The following SPAG17 variants were observed in gnomAD, a reference collection of about 807,000 sequenced individuals.
SPAG17 encodes the protein sperm associated antigen 17.
A neutral mutation model predicts 273.6 loss-of-function variants in SPAG17; 169 were observed. The observed-to-expected ratio is 0.62, with a 90% confidence interval of 0.55 to 0.70. The LOEUF (loss-of-function observed/expected upper bound fraction) is 0.70. SPAG17 is among the 30% of genes least tolerant of loss of function. The pLI is 0.00. For missense variants in SPAG17, 2,557 were observed against 2,627.8 expected, an observed-to-expected ratio of 0.97 and a Z score of 0.59; for synonymous variants, 825 against 873.2, an observed-to-expected ratio of 0.94 and a Z score of 0.97.
Position 117,987,844 on chromosome 1 carries a change from CTA to C in SPAG17, c.5657_5658del (p.Ile1886ArgfsTer8). 1 of 1,612,262 alleles carries C rather than the reference CTA, an allele frequency of 6.2e-7. No individual in the cohort carries two copies. The highest frequency in any genetic ancestry group is 8.5e-7 in the Non-Finnish European group (1 of 1,178,630). On this transcript the variant is annotated frameshift_variant, in exon 40 of 49. Coordinates refer to ENST00000336338, the MANE Select transcript of SPAG17 (RefSeq NM_206996.4). LOFTEE classifies it high-confidence loss of function. Reference protein sequence around the residue: ...TASSKRWKEKIDKTRKEIETT... With the variant: ...TASSKRWKEKXDKTRKEIETT... ...TTGGGGTATAATTACCTCGTTTTGT[CTA>C]TCTTTTCTTTCCAGCGTTTTGAGGA...
At chr1:117,974,091 G>A (rs141375966) in intron 43 of SPAG17, among the ~76,000 whole-genome samples, 64 of 152,178 alleles carry the variant, frequency 4.2e-4, no homozygotes, top group East Asian at 3.7e-3. Context: ...GGTTGATTCC[G>A]TGTCTTTGCT....
chr1:118,033,656 C>T (rs1648741315), intron 24 of SPAG17, among the ~76,000 whole-genome samples: 1 of 152,238 alleles, frequency 6.6e-6, no homozygotes, highest in South Asian at 2.1e-4. Flanking sequence ...CTGCCACTCA[C>T]TGCCTATGTA....
At chr1:118,108,211 C>T (rs1320016112) in intron 4 of SPAG17, among the ~76,000 whole-genome samples, 2 of 152,186 alleles carry the variant, frequency 1.3e-5, no homozygotes, top group East Asian at 3.9e-4. Context: ...TGAAGTTGAA[C>T]CAGGACAGTC....
chr1:117,969,963 G>C, intron 46 of SPAG17, 93 bp downstream of exon 46: 6 of 1,111,420 alleles, frequency 5.4e-6, no homozygotes, highest in Non-Finnish European at 8.1e-6. Flanking sequence ...AAAGGAATGG[G>C]CAGAATGGTT....
chr1:118,090,449 G>T (rs542175606), intron 10 of SPAG17, among the ~76,000 whole-genome samples: 1 of 152,146 alleles, frequency 6.6e-6, no homozygotes, highest in Non-Finnish European at 1.5e-5. Flanking sequence ...TGAATACACT[G>T]AAAGCATCAG....
At chr1:117,993,005 G>A (rs1194901652) in intron 35 of SPAG17, among the ~76,000 whole-genome samples, 5 of 152,154 alleles carry the variant, frequency 3.3e-5, no homozygotes, top group Non-Finnish European at 7.3e-5. Context: ...ATTTGGAACT[G>A]AGCAGTCTTT....
At chr1:118,009,793 C>G (rs1659282612) in intron 30 of SPAG17, among the ~76,000 whole-genome samples, 1 of 151,894 alleles carries the variant, frequency 6.6e-6, no homozygotes, top group Non-Finnish European at 1.5e-5. Flanking sequence ...TTCATTGCAG[C>G]ATTATTCACA....
intron 48 of SPAG17, chr1:117,961,688 T>A (rs1437753601): frequency 1.3e-5 from 2 of 152,180 alleles, no homozygotes; most frequent in Non-Finnish European, 2.9e-5. Context: ...ACCACAAGTC[T>A]TAATGTTCTT....
chr1:118,181,623 C>G (rs1660952516), intron 1 of SPAG17, among the ~76,000 whole-genome samples: 1 of 152,138 alleles, frequency 6.6e-6, no homozygotes, highest in African/African-American at 2.4e-5. Context: ...AGTGAGCTAT[C>G]ATCTCATATC....
At chr1:118,162,621 T>G (rs1003868466) in intron 1 of SPAG17, among the ~76,000 whole-genome samples, 11 of 152,210 alleles carry the variant, frequency 7.2e-5, no homozygotes, top group African/African-American at 2.4e-4. Context: ...ATATTGTTCA[T>G]CCAAATGTAT....
At chr1:118,055,560 C>A (rs1651575328) in intron 19 of SPAG17, among the ~76,000 whole-genome samples, 173 bp downstream of exon 19, 1 of 152,100 alleles carries the variant, frequency 6.6e-6, no homozygotes, top group African/African-American at 2.4e-5. Flanking sequence ...CACTCAGGTA[C>A]AATCCCATAT....
intron 3 of SPAG17, among the ~76,000 whole-genome samples, chr1:118,147,443 A>T (rs1381203688): frequency 6.6e-6 from 1 of 152,216 alleles, no homozygotes; most frequent in Non-Finnish European, 1.5e-5. Context: ...ATAAAGCAGT[A>T]GCCAACATTC....
intron 7 of SPAG17, among the ~76,000 whole-genome samples, chr1:118,095,712 T>C (rs994012615): frequency 7.9e-5 from 12 of 152,182 alleles, no homozygotes; most frequent in Non-Finnish European, 5.9e-5. Context: ...CCCCTAAATA[T>C]GTCACTTTTT....
rs542689124 is a variant in SPAG17, at chr1:118,025,312, C to T, written c.3835G>A (p.Ala1279Thr). 32 of 1,613,456 alleles carry T rather than the reference C, an allele frequency of 2.0e-5. No individual in the cohort carries two copies. The highest frequency in any genetic ancestry group is 1.2e-4 in the African/African-American group (9 of 74,860). Residue 1279 changes from alanine (A) to threonine (T), a missense_variant, in exon 27 of 49, where the codon GCA becomes ACA. Coordinates refer to ENST00000336338, the MANE Select transcript of SPAG17 (RefSeq NM_206996.4). ...YEFYKTVMPP[A>T]EQEASRVITS... Reference sequence around the variant, plus strand: ...ATAACCCTTGAAGCCTCCTGCTCTGCGGGTGGCATCACCGTTTTATAGAAC... The same window carrying T: ...ATAACCCTTGAAGCCTCCTGCTCTGTGGGTGGCATCACCGTTTTATAGAAC...
At chr1:118,051,883 C>A in intron 20 of SPAG17, among the ~76,000 whole-genome samples, 2 of 131,524 alleles carry the variant, frequency 1.5e-5, no homozygotes, top group Non-Finnish European at 3.1e-5. Context: ...AATATATAAA[C>A]TATTATAATA....
chr1:118,031,435 T>C (rs1315507283), intron 25 of SPAG17, among the ~76,000 whole-genome samples: 1 of 152,064 alleles, frequency 6.6e-6, no homozygotes, highest in Non-Finnish European at 1.5e-5. Flanking sequence ...GAAAAAAGGT[T>C]GAACTAAGTT....
At chr1:118,056,682 A>C (rs553119410) in intron 18 of SPAG17, among the ~76,000 whole-genome samples, 1 of 152,256 alleles carries the variant, frequency 6.6e-6, no homozygotes, top group Non-Finnish European at 1.5e-5. Flanking sequence ...GGTTTTGAAA[A>C]AATAAAGCTA....
chr1:117,998,545 T>A (rs1657916920), intron 32 of SPAG17, among the ~76,000 whole-genome samples: 1 of 152,132 alleles, frequency 6.6e-6, no homozygotes, highest in African/African-American at 2.4e-5. Context: ...GGGCTCTTTT[T>A]TTGGTTCCAT....
At chr1:118,001,754 G>T (rs909607395) in intron 32 of SPAG17, among the ~76,000 whole-genome samples, 2 of 151,700 alleles carry the variant, frequency 1.3e-5, no homozygotes, top group Non-Finnish European at 2.9e-5. Flanking sequence ...AATTTTGTTG[G>T]TCTTTTCAAA....
Sources: allele counts gnomAD v4.1 joint callset (sites outside exome capture counted in the v4.1 genomes callset), GRCh38; gene constraint gnomAD v4.1.1; transcripts MANE v1.5; gene names NCBI Gene and HGNC (gene_info 2026-07-23, HGNC 2026-07-21).